MACROD2: variants seen among roughly 807,000 people sequenced by gnomAD.
MACROD2 encodes mono-ADP ribosylhydrolase 2.
MACROD2 carries 36 observed loss-of-function variants against 70.4 expected under a neutral mutation model. The observed-to-expected ratio is 0.51, with a 90% CI of 0.39 to 0.68. The LOEUF is 0.68. Among genes scored for constraint, MACROD2 ranks in the 30% least tolerant of loss-of-function variants. The probability of loss-of-function intolerance (pLI) is 0.00; values close to 1 mark genes in which losing one functional copy is unlikely to be tolerated. For missense variants in MACROD2, 496 were observed against 538.4 expected, an observed-to-expected ratio of 0.92 and a Z score of 0.78; for synonymous variants, 172 against 178.8, an observed-to-expected ratio of 0.96 and a Z score of 0.30.
At chr20:15,519,231 C>T (rs1157506071) in intron 8 of MACROD2, among the ~76,000 whole-genome samples, 1 of 152,160 alleles carries the variant, frequency 6.6e-6, no homozygotes, top group Non-Finnish European at 1.5e-5. Flanking sequence ...CTGTCTCAGC[C>T]TCCCAAGTAG....
At position 14,848,809 on chromosome 20, in the gene MACROD2, T is replaced by C. The variant is rs552564485; in HGVS notation, c.418+163850T>C. ...AGTAGATTATATAATCGGATTTTCA[T>C]CTTGAAGGCAAACTGTTTACCTCTT... On this transcript the variant is annotated intron_variant, in intron 5 of 17. Coordinates refer to ENST00000684519, the MANE Select transcript of MACROD2 (RefSeq NM_001351661.2). Among the ~76,000 whole-genome samples the C allele has an allele frequency of 6.6e-5, 10 of 152,284 alleles. No homozygotes were observed. The South Asian group carries it at 8.3e-4, about 13-fold the overall frequency.
chr20:14,807,790 A>T (rs935528937), intron 5 of MACROD2, among the ~76,000 whole-genome samples: 1 of 152,132 alleles, frequency 6.6e-6, no homozygotes, highest in Non-Finnish European at 1.5e-5. Context: ...GAACTTTGTG[A>T]AGCATACACA....
chr20:15,668,597 G>A (rs1212618078), intron 8 of MACROD2, among the ~76,000 whole-genome samples: 1 of 152,108 alleles, frequency 6.6e-6, no homozygotes, highest in Non-Finnish European at 1.5e-5. Flanking sequence ...AAAATCATAG[G>A]TGATGCTGCG....
At chr20:14,926,701 T>G (rs2074237322) in intron 5 of MACROD2, among the ~76,000 whole-genome samples, 2 of 151,960 alleles carry the variant, frequency 1.3e-5, no homozygotes, top group African/African-American at 4.8e-5. Context: ...CAACCCAGAG[T>G]GTTGAACATG....
Position 14,092,768 on chromosome 20 carries a change from G to A in MACROD2, c.271+7040G>A, listed in dbSNP as rs190035874. Among the ~76,000 whole-genome samples, 353 of 152,190 alleles carry A rather than the reference G, an allele frequency of 2.3e-3. 1 individual carries two copies. The highest frequency in any genetic ancestry group is 3.6e-3 in the Non-Finnish European group (245 of 68,010). ...GTGAAAAATACGTAGCACAGTTCTCGCACAAAATATGTACTTGGTATAGTT... is the reference window on the plus strand; with the variant it reads ...GTGAAAAATACGTAGCACAGTTCTCACACAAAATATGTACTTGGTATAGTT... On this transcript the variant is annotated intron_variant, in intron 3 of 17. Coordinates refer to ENST00000684519, the MANE Select transcript of MACROD2 (RefSeq NM_001351661.2).
chr20:15,833,294 G>T (rs571209433), intron 8 of MACROD2, among the ~76,000 whole-genome samples: 2 of 152,194 alleles, frequency 1.3e-5, no homozygotes, highest in Non-Finnish European at 2.9e-5. Flanking sequence ...CAGCCTGTGA[G>T]CATGGCAGCC....
intron 4 of MACROD2, among the ~76,000 whole-genome samples, chr20:14,604,235 G>A (rs1720648218): frequency 6.6e-6 from 1 of 152,110 alleles, no homozygotes; most frequent in Non-Finnish European, 1.5e-5. Flanking sequence ...AAATCCAAAG[G>A]AACCATTCTG....
chr20:15,043,980 T>A (rs942550377), intron 5 of MACROD2, among the ~76,000 whole-genome samples: 6 of 152,168 alleles, frequency 3.9e-5, no homozygotes, highest in African/African-American at 1.4e-4. Context: ...CTGCATGTGC[T>A]CAGCACCCCT....
chr20:14,123,046 A>G (rs2054604980), intron 3 of MACROD2, among the ~76,000 whole-genome samples: 1 of 152,186 alleles, frequency 6.6e-6, no homozygotes, highest in African/African-American at 2.4e-5. Context: ...GTATGGTACC[A>G]CAGAGAAATT....
intron 8 of MACROD2, among the ~76,000 whole-genome samples, chr20:15,840,201 G>A (rs2064155920): frequency 2.0e-5 from 3 of 152,184 alleles, no homozygotes; most frequent in Non-Finnish European, 4.4e-5. Context: ...ATGAGGATTT[G>A]ACAAGCAGCA....
chr20:14,679,231 C>A lies in MACROD2; in HGVS notation c.302-5612C>A, dbSNP rs375959283. Among the ~76,000 whole-genome samples the A allele has an allele frequency of 1.2e-4, 18 of 152,186 alleles. 1 individual carries two copies. The South Asian group carries it at 3.5e-3, about 30-fold the overall frequency. On this transcript the variant is annotated intron_variant, in intron 4 of 17. Transcript: ENST00000684519. ...GAACATAAAGAGACATTTATTTTGT[C>A]CAGTTGTAAATGGTTTCTTAAAAGA...
intron 9 of MACROD2, among the ~76,000 whole-genome samples, chr20:15,866,868 A>G (rs189223877): frequency 5.3e-5 from 8 of 152,364 alleles, no homozygotes; most frequent in African/African-American, 1.9e-4. Flanking sequence ...TGAGCAGGTA[A>G]GTGGTAAACG....
chr20:15,329,637 A>G (rs1480752208), intron 6 of MACROD2, among the ~76,000 whole-genome samples: 1 of 152,126 alleles, frequency 6.6e-6, no homozygotes, highest in Non-Finnish European at 1.5e-5. Flanking sequence ...ACAATATTTT[A>G]AAACAAAATC....
chr20:14,646,629 T>C (rs1407386399), intron 4 of MACROD2, among the ~76,000 whole-genome samples: 1 of 152,128 alleles, frequency 6.6e-6, no homozygotes, highest in Non-Finnish European at 1.5e-5. Flanking sequence ...GAGTGGGTTT[T>C]TGTTTTTATG....
At chr20:15,310,826 T>C (rs941187725) in intron 6 of MACROD2, among the ~76,000 whole-genome samples, 20 of 152,126 alleles carry the variant, frequency 1.3e-4, no homozygotes, top group African/African-American at 4.8e-4. Context: ...GGAAATTTCA[T>C]CCAAACAGGA....
In MACROD2 at chr20:14,096,696, T is replaced by G. The variant is rs1379433010; in HGVS notation, c.271+10968T>G. On this transcript the variant is annotated intron_variant, in intron 3 of 17. Transcript: ENST00000684519. ...AAACAGTCTTTGCATATATGCCATA[T>G]GGTCAGGGATTTTATTAGTTCCTTA... Among the ~76,000 whole-genome samples the G allele has an allele frequency of 2.6e-5, 4 of 152,316 alleles. No homozygotes were observed. The East Asian group carries it at 7.7e-4, about 29-fold the overall frequency.
chr20:14,686,987 G>A (rs1190137439), intron 5 of MACROD2, among the ~76,000 whole-genome samples: 1 of 152,128 alleles, frequency 6.6e-6, no homozygotes, highest in African/African-American at 2.4e-5. Flanking sequence ...TAACTCAGAG[G>A]TCATGATCTG....
At chr20:15,654,174 A>C (rs459989) in intron 8 of MACROD2, among the ~76,000 whole-genome samples, 48,663 of 152,086 alleles carry the variant, frequency 0.32, 8,676 homozygotes, top group East Asian at 0.42. Flanking sequence ...AGCACATACC[A>C]TGCAGAAGTT....
In MACROD2 at chr20:14,654,620, T is replaced by C. The variant is rs78504435; in HGVS notation, c.302-30223T>C. Among the ~76,000 whole-genome samples the C allele has an allele frequency of 5.3e-3, 808 of 152,300 alleles. 15 individuals are homozygous for C. The highest frequency in any genetic ancestry group is 0.018 in the African/African-American group (767 of 41,550). Reference sequence around the variant, plus strand: ...GCAAAACCAGGTTCAACAAGTGAATTTGGGCAATGACTTTACATGCACTAA... The same window carrying C: ...GCAAAACCAGGTTCAACAAGTGAATCTGGGCAATGACTTTACATGCACTAA... On this transcript the variant is annotated intron_variant, in intron 4 of 17. Coordinates refer to ENST00000684519, the MANE Select transcript of MACROD2 (RefSeq NM_001351661.2).
Sources: allele counts gnomAD v4.1 joint callset (sites outside exome capture counted in the v4.1 genomes callset), GRCh38; gene constraint gnomAD v4.1.1; transcripts MANE v1.5; gene names NCBI Gene and HGNC (gene_info 2026-07-23, HGNC 2026-07-21).